Variants in PRKAA2 observed in about 807,000 individuals in gnomAD.
PRKAA2 encodes the protein protein kinase AMP-activated catalytic subunit alpha 2.
A neutral mutation model predicts 56.3 loss-of-function variants in PRKAA2; 40 were observed. The ratio of observed to expected loss-of-function variants is 0.71; its 90% CI spans 0.55 to 0.92. PRKAA2 has a LOEUF of 0.92. Ranked by LOEUF, PRKAA2 falls within the 40% of genes least tolerant of loss-of-function variation. The probability of loss-of-function intolerance (pLI) is 0.00; values close to 1 mark genes in which losing one functional copy is unlikely to be tolerated. For missense variants in PRKAA2, 542 were observed against 686.9 expected, an observed-to-expected ratio of 0.79 and a Z score of 2.36; for synonymous variants, 214 against 234.2, an observed-to-expected ratio of 0.91 and a Z score of 0.79.
chr1:56,645,518 C>T (rs1233577698), intron 1 of PRKAA2, 37 bp downstream of exon 1: 1 of 1,439,424 alleles, frequency 6.9e-7, no homozygotes, highest in Non-Finnish European at 9.2e-7. Context: ...GCGGGGCTGC[C>T]TGACTTGCGG....
intron 1 of PRKAA2, among the ~76,000 whole-genome samples, chr1:56,645,854 G>T (rs1192582949): frequency 6.6e-6 from 1 of 152,194 alleles, no homozygotes; most frequent in Admixed American, 6.5e-5. Context: ...CCAGCTCTGA[G>T]CCTGTAGGCT....
chr1:56,683,656 T>G (rs1034736688), intron 2 of PRKAA2, among the ~76,000 whole-genome samples: 1 of 152,108 alleles, frequency 6.6e-6, no homozygotes, highest in African/African-American at 2.4e-5. Flanking sequence ...AATCCCTTAT[T>G]ATATGTCATA....
chr1:56,683,426 G>C (rs779099002), intron 2 of PRKAA2, among the ~76,000 whole-genome samples: 1 of 152,074 alleles, frequency 6.6e-6, no homozygotes, highest in Non-Finnish European at 1.5e-5. Context: ...GGTGTATTGG[G>C]AACAAACAGT....
intron 2 of PRKAA2, among the ~76,000 whole-genome samples, chr1:56,680,586 C>T (rs1309914580): frequency 6.6e-6 from 1 of 152,104 alleles, no homozygotes; most frequent in South Asian, 2.1e-4. Context: ...TCAATTCCCA[C>T]CTATGAGTGA....
At chr1:56,659,040 C>T (rs1215362202) in intron 1 of PRKAA2, among the ~76,000 whole-genome samples, 1 of 150,392 alleles carries the variant, frequency 6.6e-6, no homozygotes, top group Admixed American at 6.6e-5. Context: ...TGGCTTCAAG[C>T]GATCCTCTCG....
intron 2 of PRKAA2, among the ~76,000 whole-genome samples, chr1:56,676,037 G>A (rs970520895): frequency 2.6e-5 from 4 of 152,160 alleles, no homozygotes; most frequent in Admixed American, 2.0e-4. Flanking sequence ...CTTTGTCAGT[G>A]AGCAGTCTTT....
chr1:56,653,682 A>G (rs1643920097), intron 1 of PRKAA2, among the ~76,000 whole-genome samples: 1 of 152,184 alleles, frequency 6.6e-6, no homozygotes, highest in Non-Finnish European at 1.5e-5. Context: ...TAGCTGAACT[A>G]TGAGAATAAT....
chr1:56,683,689 G>A (rs1463538976), intron 2 of PRKAA2, among the ~76,000 whole-genome samples: 1 of 152,094 alleles, frequency 6.6e-6, no homozygotes, highest in Non-Finnish European at 1.5e-5. Context: ...AAGAGGTGAG[G>A]GGATATGCCA....
rs1449792035 is a variant in PRKAA2, at chr1:56,710,308, A to G, written c.*2595A>G. Reference sequence around the variant, plus strand: ...TCCTGTGAGATGCTCCACAGAAAAAATGATTGCATGGACTAAGTTTGAAAA... The same window carrying G: ...TCCTGTGAGATGCTCCACAGAAAAAGTGATTGCATGGACTAAGTTTGAAAA... On this transcript the variant is annotated 3_prime_UTR_variant, in exon 9 of 9. Coordinates refer to ENST00000371244, the MANE Select transcript of PRKAA2 (RefSeq NM_006252.4). 6.6e-6 allele frequency: 1 copy of G among 152,120 alleles called. No homozygotes were observed. The highest frequency in any genetic ancestry group is 1.9e-4 in the East Asian group (1 of 5,192). 9.4% of individuals were successfully genotyped at this position (152,120 alleles called of 1,614,324 possible).
At chr1:56,677,078 AT>A in intron 2 of PRKAA2, among the ~76,000 whole-genome samples, 1 of 152,326 alleles carries the variant, frequency 6.6e-6, no homozygotes, top group African/African-American at 2.4e-5. Context: ...AAGAATTAAA[AT>A]TCCACCCATG....
At chr1:56,686,795 C>T (rs1644194031) in intron 2 of PRKAA2, among the ~76,000 whole-genome samples, 1 of 152,038 alleles carries the variant, frequency 6.6e-6, no homozygotes, top group Non-Finnish European at 1.5e-5. Context: ...CACATTTCAA[C>T]ATGAGATTTG....
At chr1:56,668,995 A>G (rs373525660) in intron 1 of PRKAA2, among the ~76,000 whole-genome samples, 1 of 152,258 alleles carries the variant, frequency 6.6e-6, no homozygotes, top group East Asian at 1.9e-4. Flanking sequence ...AAAGCTTTAT[A>G]CCCTTCAATG....
At chr1:56,697,560 A>G (rs1644266974) in intron 6 of PRKAA2, among the ~76,000 whole-genome samples, 2 of 152,118 alleles carry the variant, frequency 1.3e-5, no homozygotes, top group Admixed American at 1.3e-4. Flanking sequence ...CAGGAAAAAA[A>G]CTCTTTGTGT....
intron 1 of PRKAA2, among the ~76,000 whole-genome samples, chr1:56,663,303 G>T (rs1171507088): frequency 6.6e-6 from 1 of 152,122 alleles, no homozygotes; most frequent in Non-Finnish European, 1.5e-5. Context: ...TGCCAGGCTG[G>T]TCTCGTCCTC....
chr1:56,659,628 T>C (rs569742098), intron 1 of PRKAA2, among the ~76,000 whole-genome samples: 110 of 152,216 alleles, frequency 7.2e-4, no homozygotes, highest in African/African-American at 2.6e-3. Flanking sequence ...TAAACACTTA[T>C]TTTAAAAATA....
rs1009922718 is a variant in PRKAA2 at position 56,710,890 on chromosome 1, A to G, written c.*3177A>G. 2.0e-5 allele frequency: 3 copies of G among 152,030 alleles called. No homozygotes were observed. The highest frequency in any genetic ancestry group is 4.4e-5 in the Non-Finnish European group (3 of 67,964). The allele number at this position is 152,030 out of a possible 1,614,324, so 9.4% of individuals were successfully genotyped here. ...CTTTTAAAATGTGTAGTCAGTGAACATTTTCTAAATACTTTTCTTTGGGAT... is the reference window on the plus strand; with the variant it reads ...CTTTTAAAATGTGTAGTCAGTGAACGTTTTCTAAATACTTTTCTTTGGGAT... On this transcript the variant is annotated 3_prime_UTR_variant, in exon 9 of 9. Transcript: ENST00000371244.
rs1646632282 is a variant in PRKAA2 at position 56,645,494 on chromosome 1, C to T, written c.94+13C>T. On this transcript the variant is annotated intron_variant, in intron 1 of 8. Coordinates refer to ENST00000371244, the MANE Select transcript of PRKAA2 (RefSeq NM_006252.4). Reference sequence around the variant, plus strand: ...GGCAAAGTGAAGAGTTGAGTACGCGCTCCGGACCGCTGTGCGGGGCTGCCT... The same window carrying T: ...GGCAAAGTGAAGAGTTGAGTACGCGTTCCGGACCGCTGTGCGGGGCTGCCT... 2 of 1,473,444 alleles carry T rather than the reference C, an allele frequency of 1.4e-6. No homozygotes were observed. Among genetic ancestry groups the T allele is most frequent in the Middle Eastern group, 2.0e-4 (1 of 4,890 alleles). 91.3% of individuals were successfully genotyped at this position (1,473,444 alleles called of 1,614,324 possible).
chr1:56,702,219 G>A lies in PRKAA2; in HGVS notation c.789-1752G>A, dbSNP rs1644301105. On this transcript the variant is annotated intron_variant, in intron 6 of 8. Transcript: ENST00000371244. ...CTGCCTCAGCCTCCCTAGTAGCTGG[G>A]ATTATAGGCATGTGCCACCACGCCC... Among the ~76,000 whole-genome samples, 3 of 152,034 alleles carry A rather than the reference G, an allele frequency of 2.0e-5. No individual in the cohort carries two copies. The South Asian group carries it at 6.2e-4, about 32-fold the overall frequency.
In PRKAA2 at chr1:56,692,505, A is replaced by T. The variant is rs773860362; in HGVS notation, c.475+3A>T. 26 of 1,613,800 alleles carry T rather than the reference A, an allele frequency of 1.6e-5. No homozygotes were observed. Among genetic ancestry groups the T allele is most frequent in the Non-Finnish European group, 2.1e-5 (25 of 1,179,848 alleles). ...GAATGCCAAGATAGCCGATTTCGGT[A>T]TGTAACTCCAGGGTTGTTCAGAAAG... On this transcript the variant is annotated splice_donor_region_variant and intron_variant, in intron 4 of 8. Transcript: ENST00000371244.
Sources: allele counts gnomAD v4.1 joint callset (sites outside exome capture counted in the v4.1 genomes callset), GRCh38; gene constraint gnomAD v4.1.1; transcripts MANE v1.5; gene names NCBI Gene and HGNC (gene_info 2026-07-23, HGNC 2026-07-21).